DNM3: variants seen among roughly 807,000 people sequenced by gnomAD.
The protein encoded by DNM3 is dynamin 3.
Under a neutral mutation model 101.6 loss-of-function variants are expected in DNM3, and 47 were observed. The observed-to-expected ratio is 0.46, with a 90% CI of 0.37 to 0.59. DNM3 has a LOEUF of 0.59. Ranked by LOEUF, DNM3 falls within the 20% of genes least tolerant of loss-of-function variation. DNM3 has a pLI of 0.00. For synonymous variants in DNM3, 385 were observed against 387.9 expected (o/e 0.99, Z 0.09); for missense variants, 849 against 1,085.7 (o/e 0.78, Z 3.06).
chr1:171,943,564 AT>A (rs1170984986), intron 2 of DNM3, among the ~76,000 whole-genome samples: 3 of 152,226 alleles, frequency 2.0e-5, no homozygotes, highest in African/African-American at 7.2e-5. Flanking sequence ...TTTTTAGACA[AT>A]AACTTAACTC....
At chr1:172,168,544 G>T (rs1216389360) in intron 14 of DNM3, among the ~76,000 whole-genome samples, 1 of 152,042 alleles carries the variant, frequency 6.6e-6, no homozygotes, top group East Asian at 1.9e-4. Context: ...GATTAGAATT[G>T]CTCATGAGCA....
chr1:172,206,288 T>C (rs2148503897), intron 14 of DNM3, among the ~76,000 whole-genome samples: 1 of 152,250 alleles, frequency 6.6e-6, no homozygotes, highest in Non-Finnish European at 1.5e-5. Flanking sequence ...TGAATTACTG[T>C]AGTTTGTCAG....
intron 15 of DNM3, among the ~76,000 whole-genome samples, chr1:172,282,600 T>C (rs1343987809): frequency 6.6e-6 from 1 of 152,190 alleles, no homozygotes; most frequent in Non-Finnish European, 1.5e-5. Context: ...CTTACTTAAC[T>C]AGCTGGTGAA....
At chr1:171,869,003 G>A (rs908384742) in intron 1 of DNM3, among the ~76,000 whole-genome samples, 198 of 152,022 alleles carry the variant, frequency 1.3e-3, no homozygotes, top group African/African-American at 4.4e-3. Context: ...GGCTGGTCTC[G>A]ACCTCCTGAC....
intron 15 of DNM3, among the ~76,000 whole-genome samples, chr1:172,278,504 C>G (rs543955257): frequency 6.6e-6 from 1 of 152,086 alleles, no homozygotes; most frequent in Non-Finnish European, 1.5e-5. Flanking sequence ...CATCCTGGGC[C>G]TCATGCAGCC....
At chr1:172,207,924 G>A (rs1321866765) in intron 14 of DNM3, among the ~76,000 whole-genome samples, 1 of 151,936 alleles carries the variant, frequency 6.6e-6, no homozygotes, top group Non-Finnish European at 1.5e-5. Context: ...CAAAGAAAGT[G>A]TGTACTTCTT....
chr1:172,414,751 T>TAAA (rs11378822), downstream of DNM3, among the ~76,000 whole-genome samples: 31 of 100,148 alleles, frequency 3.1e-4, no homozygotes, highest in African/African-American at 8.1e-4. Context: ...ACCTCATCTC[T>TAAA]AAAAAAAAAA....
At chr1:172,417,445 AC>A (rs2071468811), downstream of DNM3, among the ~76,000 whole-genome samples, 2 of 152,182 alleles carry the variant, frequency 1.3e-5, no homozygotes, top group African/African-American at 4.8e-5. Flanking sequence ...CACAACTTGG[AC>A]CCTCATTTCA....
In DNM3 at chr1:171,933,038, C is replaced by T. The variant is rs150962673; in HGVS notation, c.235+11217C>T. On this transcript the variant is annotated intron_variant, in intron 2 of 20. Coordinates refer to ENST00000627582, the MANE Select transcript of DNM3 (RefSeq NM_015569.5). The stretch of plus-strand genomic sequence containing the variant: ...AGTGAGGATCATAGCACACATAGCA[C>T]CTCACTTTTCAGGCAAAATAGACTA... Among the ~76,000 whole-genome samples, 651 of 152,210 alleles carry T rather than the reference C, an allele frequency of 4.3e-3. 9 individuals are homozygous for T. The highest frequency in any genetic ancestry group is 0.015 in the African/African-American group (624 of 41,522).
At chr1:171,995,486 A>T (rs538875143) in intron 4 of DNM3, among the ~76,000 whole-genome samples, 1 of 152,156 alleles carries the variant, frequency 6.6e-6, no homozygotes, top group African/African-American at 2.4e-5. Context: ...GTTCTGAAAC[A>T]GTTGGCTTTA....
At chr1:171,843,411 G>A (rs7546406) in intron 1 of DNM3, among the ~76,000 whole-genome samples, 27,661 of 152,100 alleles carry the variant, frequency 0.18, 2,905 homozygotes, top group East Asian at 0.48. Flanking sequence ...AAATTTACGA[G>A]ATATAAAGTG....
At chr1:171,844,324 C>T (rs2031740175) in intron 1 of DNM3, among the ~76,000 whole-genome samples, 1 of 152,166 alleles carries the variant, frequency 6.6e-6, no homozygotes, top group Non-Finnish European at 1.5e-5. Context: ...TTTTAAGACT[C>T]GATCTAATGT....
At chr1:172,010,682 T>TTG (rs59701730) in intron 4 of DNM3, among the ~76,000 whole-genome samples, 10,229 of 112,478 alleles carry the variant, frequency 0.091, 548 homozygotes, top group Middle Eastern at 0.17. Context: ...TTGGTATGTT[T>TTG]TGTGTGTGTG....
intron 15 of DNM3, among the ~76,000 whole-genome samples, chr1:172,282,459 A>G (rs954311941): frequency 1.3e-5 from 2 of 152,180 alleles, no homozygotes; most frequent in Non-Finnish European, 2.9e-5. Flanking sequence ...AGACTAGCAC[A>G]CATAATTAAC....
chr1:172,212,640 A>G (rs1277132018), intron 14 of DNM3, among the ~76,000 whole-genome samples: 1 of 152,182 alleles, frequency 6.6e-6, no homozygotes, highest in African/African-American at 2.4e-5. Context: ...TTCGCTTTGT[A>G]TTGTCACAAG....
At chr1:172,244,754 G>T (rs1028320992) in intron 14 of DNM3, among the ~76,000 whole-genome samples, 6 of 152,068 alleles carry the variant, frequency 3.9e-5, no homozygotes, top group Admixed American at 6.5e-5. Flanking sequence ...TACACTGTTG[G>T]TGGGACTGTA....
At chr1:172,201,420 A>C (rs997801136) in intron 14 of DNM3, among the ~76,000 whole-genome samples, 6 of 152,186 alleles carry the variant, frequency 3.9e-5, no homozygotes, top group Admixed American at 3.3e-4. Flanking sequence ...GGAAGTTAGT[A>C]GTGGTCATGG....
chr1:171,987,713 G>A lies in DNM3; in HGVS notation c.293G>A (p.Arg98His), dbSNP rs1377292072. The stretch of plus-strand genomic sequence containing the variant: ...AAATTTACAGATTTTGATGAAGTTC[G>A]CCTTGAGATTGAAGCAGAAACAGAT... ...GKKFTDFDEV[R>H]LEIEAETDRV... The change falls in exon 3 of 21, where the codon CGC (arginine) becomes CAC (histidine). Residue 98 changes from arginine (R) to histidine (H), a missense_variant. Arg to His is a conservative substitution (Grantham distance 29). Coordinates refer to ENST00000627582, the MANE Select transcript of DNM3 (RefSeq NM_015569.5). 7 of 1,599,056 alleles carry A rather than the reference G, an allele frequency of 4.4e-6. No homozygotes were observed. Among genetic ancestry groups the A allele is most frequent in the Admixed American group, 3.5e-5 (2 of 57,194 alleles).
chr1:171,995,003 T>A (rs192684410), intron 4 of DNM3, among the ~76,000 whole-genome samples: 1 of 152,042 alleles, frequency 6.6e-6, no homozygotes, highest in Admixed American at 6.6e-5. Flanking sequence ...GACTGTGGTG[T>A]TTTTGTTTTC....
Sources: allele counts gnomAD v4.1 joint callset (sites outside exome capture counted in the v4.1 genomes callset), GRCh38; gene constraint gnomAD v4.1.1; transcripts MANE v1.5; gene names NCBI Gene and HGNC (gene_info 2026-07-23, HGNC 2026-07-21).